Variants in ZC4H2 observed in about 807,000 individuals in gnomAD.
ZC4H2 encodes the protein zinc finger C4H2-type containing, also known as zinc finger C4H2 domain-containing protein.
For synonymous variants in ZC4H2, 84 were observed against 66.3 expected (o/e 1.27, Z -1.30); for missense variants, 137 against 173.9 (o/e 0.79, Z 1.19).
chrX:65,016,797 A>G (rs1376396802), intron 1 of ZC4H2, among the ~76,000 whole-genome samples: 1 of 111,860 alleles, frequency 8.9e-6, no homozygotes, highest in Non-Finnish European at 1.9e-5. Context: ...GTTCTAAGAG[A>G]GTCTAGTATT....
intron 1 of ZC4H2, among the ~76,000 whole-genome samples, chrX:64,963,437 C>A (rs950495185): frequency 9.9e-5 from 11 of 111,456 alleles, no homozygotes; most frequent in African/African-American, 3.6e-4. Flanking sequence ...CAAGTAGGAT[C>A]ACATCAAATT....
intron 1 of ZC4H2, among the ~76,000 whole-genome samples, chrX:64,922,442 C>T (rs1929246579): frequency 9.0e-6 from 1 of 111,614 alleles, no homozygotes; most frequent in African/African-American, 3.3e-5. Flanking sequence ...AAGACCTTGT[C>T]TCAAGAAAAA....
chrX:64,943,569 C>T (rs940460624), intron 1 of ZC4H2, among the ~76,000 whole-genome samples: 1 of 102,022 alleles, frequency 9.8e-6, no homozygotes, highest in South Asian at 3.8e-4. Context: ...TGCATTGATC[C>T]CTTTTCCATC....
In ZC4H2 at chrX:64,916,690, G is replaced by A. The variant is rs1262822855; in HGVS notation, c.*1093C>T. The A allele has an allele frequency of 2.7e-5, 3 of 111,180 alleles. No homozygotes were observed. The East Asian group carries it at 8.5e-4, about 32-fold the overall frequency. 9.2% of individuals were successfully genotyped at this position (111,180 alleles called of 1,213,427 possible). ...TGGCTTTGGTGGAAAGGAGAGCTGT[G>A]GGGCTTGGGGAGCCTGATGCCTTTT... On this transcript the variant is annotated 3_prime_UTR_variant, in exon 5 of 5. Transcript: ENST00000374839.
At chrX:64,926,611 T>C (rs1929430811) in intron 1 of ZC4H2, among the ~76,000 whole-genome samples, 1 of 112,096 alleles carries the variant, frequency 8.9e-6, no homozygotes, top group South Asian at 3.8e-4. Context: ...TGCATTTCCC[T>C]AATGCCCATT....
intron 1 of ZC4H2, among the ~76,000 whole-genome samples, chrX:64,969,017 A>G (rs1452485652): frequency 9.0e-6 from 1 of 110,995 alleles, no homozygotes; most frequent in Non-Finnish European, 1.9e-5. Context: ...AAGGGTCTAA[A>G]CTCATTCCAA....
intron 1 of ZC4H2, among the ~76,000 whole-genome samples, chrX:64,961,334 TC>T (rs1931381769): frequency 9.0e-6 from 1 of 111,726 alleles, no homozygotes; most frequent in Non-Finnish European, 1.9e-5. Flanking sequence ...TATTACTATT[TC>T]TGGAAGTTCA....
chrX:64,953,678 G>C (rs1277333478), intron 1 of ZC4H2, among the ~76,000 whole-genome samples: 2 of 111,768 alleles, frequency 1.8e-5, no homozygotes, highest in Non-Finnish European at 3.8e-5. Flanking sequence ...AAGGGTGCTG[G>C]AGAGAATGTG....
At chrX:64,968,816 G>C (rs950509948) in intron 1 of ZC4H2, among the ~76,000 whole-genome samples, 2 of 111,078 alleles carry the variant, frequency 1.8e-5, no homozygotes, top group Non-Finnish European at 3.8e-5. Context: ...ACCACAGACT[G>C]GGTAATTTGT....
At chrX:64,929,901 T>C (rs1929664506) in intron 1 of ZC4H2, among the ~76,000 whole-genome samples, 1 of 111,599 alleles carries the variant, frequency 9.0e-6, no homozygotes, top group African/African-American at 3.3e-5. Context: ...TCTTGTTCTG[T>C]AAAGAATGAT....
intron 1 of ZC4H2, among the ~76,000 whole-genome samples, chrX:65,021,067 A>G (rs185943492): frequency 1.8e-5 from 2 of 110,769 alleles, no homozygotes; most frequent in Admixed American, 9.6e-5. Context: ...ATTCCCACAC[A>G]ATAATAGTGG....
At chrX:64,943,222 G>A (rs1285593473) in intron 1 of ZC4H2, among the ~76,000 whole-genome samples, 1 of 111,892 alleles carries the variant, frequency 8.9e-6, no homozygotes, top group Non-Finnish European at 1.9e-5. Flanking sequence ...TGTCTGTTCT[G>A]TTGTATTTGC....
intron 1 of ZC4H2, among the ~76,000 whole-genome samples, chrX:64,995,744 A>G (rs1435671231): frequency 8.9e-6 from 1 of 112,178 alleles, no homozygotes; most frequent in Non-Finnish European, 1.9e-5. Context: ...GAAGCATAGC[A>G]GACCTCACAT....
intron 1 of ZC4H2, among the ~76,000 whole-genome samples, chrX:64,929,304 C>A (rs1929631099): frequency 1.8e-5 from 2 of 111,341 alleles, no homozygotes; most frequent in Non-Finnish European, 3.8e-5. Flanking sequence ...CAAATATTTT[C>A]CCCCACTCTA....
intron 1 of ZC4H2, among the ~76,000 whole-genome samples, chrX:64,923,294 C>T (rs1421279472): frequency 9.0e-6 from 1 of 111,730 alleles, no homozygotes; most frequent in African/African-American, 3.3e-5. Context: ...AATTTGAAGC[C>T]TGCCTCTGGG....
chrX:64,963,262 T>C (rs1931468336), intron 1 of ZC4H2, among the ~76,000 whole-genome samples: 2 of 111,828 alleles, frequency 1.8e-5, no homozygotes, highest in Admixed American at 1.9e-4. Context: ...CCTTATCTTA[T>C]ACCATACACA....
intron 1 of ZC4H2, among the ~76,000 whole-genome samples, chrX:65,009,295 T>C (rs1241350376): frequency 3.6e-5 from 4 of 111,135 alleles, no homozygotes; most frequent in African/African-American, 1.3e-4. Flanking sequence ...TAGCTGCTAC[T>C]GTGCTAAGAC....
Position 64,994,898 on chromosome X carries a change from T to C in ZC4H2, c.-272+39731A>G, listed in dbSNP as rs187326528. On this transcript the variant is annotated intron_variant, in intron 1 of 4. Coordinates refer to the ZC4H2 transcript ENST00000337990. ...CAAAAAAACAAAGAAAATGAAAGAG[T>C]AAAGAGGGACAAATGGGAAATAAAA... is the stretch of plus-strand genomic sequence containing the variant. Among the ~76,000 whole-genome samples the C allele has an allele frequency of 4.0e-3, 426 of 107,455 alleles. 1 individual carries two copies. Among genetic ancestry groups the C allele is most frequent in the Middle Eastern group, 0.034 (7 of 206 alleles). The allele number at this position is 107,455 out of a possible 115,157, so 93.3% of individuals were successfully genotyped here.
At chrX:65,012,224 C>CAAA (rs10606871) in intron 1 of ZC4H2, among the ~76,000 whole-genome samples, 141 of 25,084 alleles carry the variant, frequency 5.6e-3, no homozygotes, top group African/African-American at 0.011. Flanking sequence ...GACCCCGTCT[C>CAAA]AAAAAAAAAA....
Sources: gnomAD v4.1 joint callset for allele counts (sites outside exome capture counted in the v4.1 genomes callset) on GRCh38, gnomAD v4.1.1 for gene constraint, MANE v1.5 for transcripts, NCBI Gene and HGNC (gene_info 2026-07-23, HGNC 2026-07-21) for gene names.